Variants in PCDH15 observed in about 807,000 individuals in gnomAD.
The protein encoded by PCDH15 is protocadherin related 15, also known as protocadherin-15.
Under a neutral mutation model 178.5 loss-of-function variants are expected in PCDH15, and 129 were observed. The observed-to-expected ratio is 0.72, with a 90% confidence interval of 0.63 to 0.84. The LOEUF (loss-of-function observed/expected upper bound fraction) is 0.84, where lower values mean the gene tolerates loss of function less well. Among genes scored for constraint, PCDH15 ranks in the 40% least tolerant of loss-of-function variants. The pLI, the probability that PCDH15 is intolerant of heterozygous loss-of-function variation, is 0.00. For missense variants in PCDH15, 2,230 were observed against 2,099.9 expected (o/e 1.06, Z -1.21); for synonymous variants, 800 against 732.0 (o/e 1.09, Z -1.50).
chr10:55,279,320 G>A (rs1157745949), intron 1 of PCDH15, among the ~76,000 whole-genome samples: 1 of 152,126 alleles, frequency 6.6e-6, no homozygotes, highest in Admixed American at 6.5e-5. Flanking sequence ...AAATTACACA[G>A]ATATTTAAAT....
intron 27 of PCDH15, among the ~76,000 whole-genome samples, chr10:53,860,529 G>C (rs1185335419): frequency 6.6e-6 from 1 of 152,022 alleles, no homozygotes; most frequent in Admixed American, 6.6e-5. Flanking sequence ...CCAAGAGTTT[G>C]AGAGCAGCCT....
chr10:53,845,396 A>T (rs2077906580), intron 28 of PCDH15, among the ~76,000 whole-genome samples: 1 of 151,886 alleles, frequency 6.6e-6, no homozygotes, highest in African/African-American at 2.4e-5. Context: ...AAAGAAAGAA[A>T]ATCAATATAT....
intron 1 of PCDH15, among the ~76,000 whole-genome samples, chr10:55,300,907 C>T (rs1843259929): frequency 6.6e-6 from 1 of 152,118 alleles, no homozygotes; most frequent in Non-Finnish European, 1.5e-5. Context: ...TTGATGTAGG[C>T]ATCTATAGAA....
chr10:55,137,339 A>G (rs1304591431), intron 2 of PCDH15, among the ~76,000 whole-genome samples: 1 of 152,126 alleles, frequency 6.6e-6, no homozygotes, highest in African/African-American at 2.4e-5. Flanking sequence ...AATTACCTCA[A>G]ATAATCAGTA....
intron 2 of PCDH15, among the ~76,000 whole-genome samples, chr10:55,484,090 T>A (rs570205652): frequency 6.6e-6 from 1 of 151,780 alleles, no homozygotes; most frequent in South Asian, 2.1e-4. Flanking sequence ...AGCTACATGA[T>A]GAGACACATG....
intron 2 of PCDH15, among the ~76,000 whole-genome samples, chr10:54,992,484 G>A (rs563754657): frequency 2.0e-5 from 3 of 152,112 alleles, no homozygotes; most frequent in Non-Finnish European, 4.4e-5. Flanking sequence ...CGGGCGCAGC[G>A]GCTGACGTCT....
chr10:55,434,400 T>G (rs1465119720), intron 2 of PCDH15, among the ~76,000 whole-genome samples: 1 of 152,064 alleles, frequency 6.6e-6, no homozygotes, highest in African/African-American at 2.4e-5. Flanking sequence ...TCTTGGCTAA[T>G]TATATCTCCA....
chr10:54,329,556 T>C lies in PCDH15; in HGVS notation c.705+40A>G, dbSNP rs370605774. On this transcript the variant is annotated intron_variant, in intron 7 of 37. Transcript: ENST00000644397. Reference sequence around the variant, plus strand: ...CATTTTGGATGAGTTTTTTACTTCATAAATTCACAGAAGAAATTTAAAAGA... The same window carrying C: ...CATTTTGGATGAGTTTTTTACTTCACAAATTCACAGAAGAAATTTAAAAGA... 155 of 1,451,880 alleles carry C rather than the reference T, an allele frequency of 1.1e-4. 1 individual carries two copies. The highest frequency in any genetic ancestry group is 1.3e-4 in the Non-Finnish European group (132 of 1,034,508). 89.9% of individuals were successfully genotyped at this position (1,451,880 alleles called of 1,614,324 possible). A position where few individuals can be genotyped will look rare whatever the true frequency, so the allele number is the denominator to read the frequency against.
chr10:54,820,715 A>G (rs916445263), intron 3 of PCDH15, among the ~76,000 whole-genome samples: 1 of 152,066 alleles, frequency 6.6e-6, no homozygotes, highest in Non-Finnish European at 1.5e-5. Context: ...TAAATCTGAC[A>G]TCTACAGAGG....
chr10:55,020,937 G>A (rs577693240), intron 2 of PCDH15, among the ~76,000 whole-genome samples: 7 of 152,240 alleles, frequency 4.6e-5, no homozygotes, highest in African/African-American at 1.4e-4. Context: ...ACGCAAAAAT[G>A]CAGATTCACA....
chr10:55,405,928 A>G (rs1333618568), intron 2 of PCDH15, among the ~76,000 whole-genome samples: 1 of 151,970 alleles, frequency 6.6e-6, no homozygotes, highest in African/African-American at 2.4e-5. Flanking sequence ...GTGTTCTAGT[A>G]GTAGAAGTGG....
At chr10:54,176,738 A>G (rs2047477490) in intron 13 of PCDH15, among the ~76,000 whole-genome samples, 1 of 152,176 alleles carries the variant, frequency 6.6e-6, no homozygotes, top group Non-Finnish European at 1.5e-5. Flanking sequence ...CCATTGAAAT[A>G]GCCAGATTGC....
chr10:54,129,827 T>G (rs991585832), intron 15 of PCDH15, among the ~76,000 whole-genome samples: 5 of 152,236 alleles, frequency 3.3e-5, no homozygotes, highest in African/African-American at 1.2e-4. Context: ...TCTCAAAAAA[T>G]CTGCATATAA....
chr10:54,635,793 A>C, intron 2 of PCDH15, among the ~76,000 whole-genome samples: 1 of 151,940 alleles, frequency 6.6e-6, no homozygotes, highest in Non-Finnish European at 1.5e-5. Context: ...GGGAAGAAAA[A>C]CATCATAAAT....
chr10:54,708,763 A>G (rs1290525925), intron 1 of PCDH15, among the ~76,000 whole-genome samples: 1 of 149,904 alleles, frequency 6.7e-6, no homozygotes, highest in Non-Finnish European at 1.5e-5. Context: ...AATCACCCCA[A>G]TGCAGGCCAG....
chr10:55,221,554 G>T (rs903898508), intron 1 of PCDH15, among the ~76,000 whole-genome samples: 3 of 151,926 alleles, frequency 2.0e-5, no homozygotes, highest in African/African-American at 7.3e-5. Context: ...TAAATTTATT[G>T]TCATTAAATC....
At chr10:54,833,181 T>G (rs1953254773) in intron 3 of PCDH15, among the ~76,000 whole-genome samples, 1 of 152,172 alleles carries the variant, frequency 6.6e-6, no homozygotes, top group Admixed American at 6.6e-5. Flanking sequence ...AGAAATAGAC[T>G]TTCAAGAAGA....
At chr10:55,604,465 C>G (rs1397861910) in intron 2 of PCDH15, among the ~76,000 whole-genome samples, 1 of 151,050 alleles carries the variant, frequency 6.6e-6, no homozygotes, top group Non-Finnish European at 1.5e-5. Flanking sequence ...CCACACCACA[C>G]CTATTCCAAA....
chr10:54,773,581 T>G (rs1380397454), intron 1 of PCDH15, among the ~76,000 whole-genome samples: 8 of 152,164 alleles, frequency 5.3e-5, no homozygotes, highest in Non-Finnish European at 2.9e-5. Context: ...TCTCACTAAA[T>G]CTTTTAACTA....
Sources: gnomAD v4.1 joint callset for allele counts (sites outside exome capture counted in the v4.1 genomes callset) on GRCh38, gnomAD v4.1.1 for gene constraint, MANE v1.5 for transcripts, NCBI Gene and HGNC (gene_info 2026-07-23, HGNC 2026-07-21) for gene names.